The following SMYD3 variants were observed in gnomAD, a reference collection of about 807,000 sequenced individuals.
The protein encoded by SMYD3 is histone-lysine N-methyltransferase SMYD3.
Under a neutral mutation model 57.7 loss-of-function variants are expected in SMYD3, and 36 were observed. The observed-to-expected ratio is 0.62, with a 90% CI of 0.48 to 0.82. The LOEUF (loss-of-function observed/expected upper bound fraction) is 0.82. Among genes scored for constraint, SMYD3 ranks in the 40% least tolerant of loss-of-function variants. SMYD3 has a pLI of 0.00. For missense variants in SMYD3, 515 were observed against 538.8 expected (o/e 0.96, Z 0.44); for synonymous variants, 211 against 195.0 (o/e 1.08, Z -0.68).
At chr1:245,752,072 G>T (rs1483284616) in intron 11 of SMYD3, among the ~76,000 whole-genome samples, 1 of 152,240 alleles carries the variant, frequency 6.6e-6, no homozygotes, top group Non-Finnish European at 1.5e-5. Context: ...AGAGACCTGT[G>T]TGACAGCACG....
At chr1:245,972,782 C>T (rs919068019) in intron 5 of SMYD3, among the ~76,000 whole-genome samples, 4 of 152,220 alleles carry the variant, frequency 2.6e-5, no homozygotes, top group African/African-American at 4.8e-5. Context: ...GGAGCAACAC[C>T]ATGGAAAGAA....
At chr1:246,143,978 C>A (rs1204945564) in intron 5 of SMYD3, among the ~76,000 whole-genome samples, 2 of 152,350 alleles carry the variant, frequency 1.3e-5, no homozygotes, top group East Asian at 3.9e-4. Context: ...GCATGGCTAA[C>A]CAACAGCTTC....
intron 5 of SMYD3, among the ~76,000 whole-genome samples, chr1:246,295,067 G>A (rs1412779348): frequency 6.6e-6 from 1 of 151,962 alleles, no homozygotes; most frequent in Non-Finnish European, 1.5e-5. Context: ...AATATTTTAT[G>A]TACTCCTTTG....
intron 5 of SMYD3, among the ~76,000 whole-genome samples, chr1:246,218,626 A>C (rs1160906492): frequency 6.6e-6 from 1 of 152,048 alleles, no homozygotes; most frequent in East Asian, 1.9e-4. Flanking sequence ...GTCTCAAAAA[A>C]AAAAAAAAGT....
At chr1:246,142,701 T>G (rs1480385228) in intron 5 of SMYD3, among the ~76,000 whole-genome samples, 1 of 152,188 alleles carries the variant, frequency 6.6e-6, no homozygotes, top group Non-Finnish European at 1.5e-5. Context: ...CCATGTAATA[T>G]TTTTAGACTG....
chr1:246,133,235 T>C (rs1298395532), intron 5 of SMYD3, among the ~76,000 whole-genome samples: 1 of 152,006 alleles, frequency 6.6e-6, no homozygotes, highest in Non-Finnish European at 1.5e-5. Context: ...TTTGATTGAA[T>C]AACTTTCCCA....
intron 10 of SMYD3, among the ~76,000 whole-genome samples, chr1:245,822,453 C>T (rs1392185139): frequency 6.0e-5 from 9 of 149,434 alleles, no homozygotes; most frequent in East Asian, 3.9e-4. Flanking sequence ...TGCTAGATGA[C>T]GAGTTAGTGG....
chr1:245,892,991 C>A (rs559824769), intron 8 of SMYD3, among the ~76,000 whole-genome samples: 16 of 152,228 alleles, frequency 1.1e-4, no homozygotes, highest in African/African-American at 3.9e-4. Context: ...CAACAAAAGA[C>A]CTGTGTACAG....
rs531410804 is a variant in SMYD3 at position 245,992,359 on chromosome 1, G to T, written c.532-62422C>A. 9.5e-4 allele frequency among the ~76,000 whole-genome samples: 145 copies of T among 152,350 alleles called. 2 individuals are homozygous for T. The South Asian group carries it at 0.012, about 12-fold the overall frequency. ...CACCAACTGTGATGCAGTGTGGGAGGGGAGTGCCCAAGGGTGTGAACCTCG... is the reference window on the plus strand; with the variant it reads ...CACCAACTGTGATGCAGTGTGGGAGTGGAGTGCCCAAGGGTGTGAACCTCG... On this transcript the variant is annotated intron_variant, in intron 5 of 11. Coordinates refer to ENST00000490107, the MANE Select transcript of SMYD3 (RefSeq NM_001167740.2).
intron 5 of SMYD3, among the ~76,000 whole-genome samples, chr1:246,007,127 C>T (rs1422671496): frequency 1.3e-5 from 2 of 152,218 alleles, no homozygotes; most frequent in East Asian, 1.9e-4. Flanking sequence ...GAAGCGGCCA[C>T]GACTGGGGCC....
At chr1:246,011,190 G>C (rs924006053) in intron 5 of SMYD3, among the ~76,000 whole-genome samples, 1 of 152,204 alleles carries the variant, frequency 6.6e-6, no homozygotes, top group Non-Finnish European at 1.5e-5. Context: ...CCATTTCATA[G>C]ATGGGGAAAT....
chr1:246,086,122 C>A (rs2060717124), intron 5 of SMYD3, among the ~76,000 whole-genome samples: 1 of 151,618 alleles, frequency 6.6e-6, no homozygotes, highest in Non-Finnish European at 1.5e-5. Context: ...TTAAGAATGC[C>A]CTCTTTGGTT....
rs1160608155 is a variant in SMYD3 at position 246,490,937 on chromosome 1, G to A, written c.164+16117C>T. Among the ~76,000 whole-genome samples the A allele has an allele frequency of 4.6e-5, 7 of 151,904 alleles. 1 individual carries two copies. Among genetic ancestry groups the A allele is most frequent in the Non-Finnish European group, 1.0e-4 (7 of 67,972 alleles). ...ACTAAGTAGAGCAAGGAAAGAACAC[G>A]TATTAAGTATGAGTACCTGTTATAC... On this transcript the variant is annotated intron_variant, in intron 1 of 11. Coordinates refer to ENST00000490107, the MANE Select transcript of SMYD3 (RefSeq NM_001167740.2).
chr1:246,046,966 T>C (rs1021876204), intron 5 of SMYD3, among the ~76,000 whole-genome samples: 1 of 151,966 alleles, frequency 6.6e-6, no homozygotes, highest in Non-Finnish European at 1.5e-5. Flanking sequence ...ATAAACTCTA[T>C]ATAACAAACA....
Position 245,842,605 on chromosome 1 carries a change from G to T in SMYD3, c.1076+15891C>A, listed in dbSNP as rs532349161. Among the ~76,000 whole-genome samples, 8 of 152,286 alleles carry T rather than the reference G, an allele frequency of 5.3e-5. No homozygotes were observed. In the South Asian group the frequency reaches 1.7e-3, roughly 32 times the overall value. ...GCTAACAGGGGAATTAATGAGAAAAGAAACTTAACTTATATCCAGATGCCA... is the reference window on the plus strand; with the variant it reads ...GCTAACAGGGGAATTAATGAGAAAATAAACTTAACTTATATCCAGATGCCA... On this transcript the variant is annotated intron_variant, in intron 10 of 11. Coordinates refer to ENST00000490107, the MANE Select transcript of SMYD3 (RefSeq NM_001167740.2).
intron 5 of SMYD3, among the ~76,000 whole-genome samples, chr1:246,080,419 T>C (rs1419746625): frequency 6.7e-6 from 1 of 149,550 alleles, no homozygotes; most frequent in Non-Finnish European, 1.5e-5. Flanking sequence ...AGACTCTAAC[T>C]AATGCCTGAT....
At chr1:246,411,930 C>A in intron 1 of SMYD3, among the ~76,000 whole-genome samples, 3 of 139,056 alleles carry the variant, frequency 2.2e-5, no homozygotes, top group African/African-American at 5.4e-5. Flanking sequence ...ACATATGTAA[C>A]AAACCTGCAC....
intron 1 of SMYD3, among the ~76,000 whole-genome samples, chr1:246,402,920 C>A (rs1015585362): frequency 2.0e-5 from 3 of 152,138 alleles, no homozygotes; most frequent in Admixed American, 6.6e-5. Context: ...AATTTTCAAT[C>A]TATACTTAAG....
At chr1:246,010,590 T>C (rs1267697200) in intron 5 of SMYD3, among the ~76,000 whole-genome samples, 1 of 152,234 alleles carries the variant, frequency 6.6e-6, no homozygotes, top group East Asian at 1.9e-4. Context: ...TATCTTTGCT[T>C]ATTCATTAAA....
Sources: gnomAD v4.1 joint callset for allele counts (sites outside exome capture counted in the v4.1 genomes callset) on GRCh38, gnomAD v4.1.1 for gene constraint, MANE v1.5 for transcripts, NCBI Gene and HGNC (gene_info 2026-07-23, HGNC 2026-07-21) for gene names.